Variants in CEP43 observed in about 807,000 individuals in gnomAD.
The protein encoded by CEP43 is centrosomal protein 43, also known as FGFR1 oncogene partner.
CEP43 carries 36 observed loss-of-function variants against 52.6 expected under a neutral mutation model. The ratio of observed to expected loss-of-function variants is 0.68; its 90% confidence interval spans 0.52 to 0.90. The LOEUF (loss-of-function observed/expected upper bound fraction) is 0.90, where lower values mean the gene tolerates loss of function less well. Ranked by LOEUF, CEP43 falls within the 40% of genes least tolerant of loss-of-function variation. The pLI is 0.00. For synonymous variants in CEP43, 192 were observed against 172.4 expected (o/e 1.11, Z -0.89); for missense variants, 506 against 472.8 (o/e 1.07, Z -0.65).
At position 167,040,020 on chromosome 6, in the gene CEP43, T is replaced by G; in HGVS notation, c.*42T>G. 1 of 1,566,932 alleles carries G rather than the reference T, an allele frequency of 6.4e-7. No homozygotes were observed. The highest frequency in any genetic ancestry group is 8.6e-7 in the Non-Finnish European group (1 of 1,160,910). On this transcript the variant is annotated 3_prime_UTR_variant, in exon 13 of 13. Coordinates refer to ENST00000366847, the MANE Select transcript of CEP43 (RefSeq NM_007045.4). ...ATTCTAATTAACAAGGACAGAGGAC[T>G]GACCGGTTCCATTTTTTTTTTTTCC...
intron 7 of CEP43, 128 bp from the exon 8 acceptor site, chr6:167,022,281 C>CACACACACACACACAAAGGTT (rs1780253185): frequency 3.1e-6 from 2 of 642,516 alleles, no homozygotes; most frequent in Non-Finnish European, 5.3e-6. Context: ...CACACACACA[C>CACACACACACACACAAAGGTT]ACACACACAC....
At position 167,026,463 on chromosome 6, in the gene CEP43, A is replaced by G. The variant is rs1780357989; in HGVS notation, c.920-84A>G. ...TGCTCCTGTCATAAAGAAGCCCCATATTGAACAACGACAAAAATTGATGTG... is the reference window on the plus strand; with the variant it reads ...TGCTCCTGTCATAAAGAAGCCCCATGTTGAACAACGACAAAAATTGATGTG... On this transcript the variant is annotated intron_variant, in intron 9 of 12. Coordinates refer to ENST00000366847, the MANE Select transcript of CEP43 (RefSeq NM_007045.4). 7 of 839,782 alleles carry G rather than the reference A, an allele frequency of 8.3e-6. No homozygotes were observed. The East Asian group carries it at 1.5e-4, about 18-fold the overall frequency. 52.0% of individuals were successfully genotyped at this position (839,782 alleles called of 1,614,324 possible). A position where few individuals can be genotyped will look rare whatever the true frequency, so the allele number is the denominator to read the frequency against.
Position 167,022,598 on chromosome 6 carries a change from G to T in CEP43, c.769G>T (p.Asp257Tyr). Residue 257 changes from aspartate to tyrosine, a missense_variant, in exon 8 of 13, where the codon GAT becomes TAT. Coordinates refer to ENST00000366847, the MANE Select transcript of CEP43 (RefSeq NM_007045.4). ...TGATATGGAAGGAGATTCTTTCTTTGATGATCCCATTCCTAAGCCAGAGAA... is the reference window on the plus strand; with the variant it reads ...TGATATGGAAGGAGATTCTTTCTTTTATGATCCCATTCCTAAGCCAGAGAA... ...EDDMEGDSFF[D>Y]DPIPKPEKTY... 6.2e-7 allele frequency: 1 copy of T among 1,614,088 alleles called. No individual in the cohort carries two copies. The highest frequency in any genetic ancestry group is 8.5e-7 in the Non-Finnish European group (1 of 1,179,958).
chr6:167,028,722 A>C (rs968279532), intron 10 of CEP43, among the ~76,000 whole-genome samples: 5 of 152,206 alleles, frequency 3.3e-5, no homozygotes, highest in African/African-American at 1.2e-4. Context: ...ATCTAGGTTA[A>C]GTAACTTGCC....
chr6:167,038,256 C>A (rs1388034360), intron 12 of CEP43, among the ~76,000 whole-genome samples: 1 of 152,146 alleles, frequency 6.6e-6, no homozygotes, highest in Non-Finnish European at 1.5e-5. Context: ...ACTTTGTGAA[C>A]CCGGGGCTGG....
At chr6:167,027,327 G>A (rs1780377172) in intron 10 of CEP43, among the ~76,000 whole-genome samples, 1 of 152,178 alleles carries the variant, frequency 6.6e-6, no homozygotes, top group African/African-American at 2.4e-5. Context: ...CAAGACTGTA[G>A]CAGTGTGACA....
rs1447300446 is a variant in CEP43, at chr6:167,040,292, G to A, written c.*314G>A. 1.5e-5 allele frequency: 22 copies of A among 1,461,220 alleles called. No homozygotes were observed. The highest frequency in any genetic ancestry group is 2.8e-5 in the African/African-American group (2 of 70,282). The allele number at this position is 1,461,220 out of a possible 1,614,324, so 90.5% of individuals were successfully genotyped here. A position where few individuals can be genotyped will look rare whatever the true frequency, so the allele number is the denominator to read the frequency against. On this transcript the variant is annotated 3_prime_UTR_variant, in exon 13 of 13. Transcript: ENST00000366847. The stretch of plus-strand genomic sequence containing the variant: ...CAGTGTTAAGAGCATGATGAAAGGT[G>A]TCAATAAAGCCGTAGGATCGCGCAA...
rs778426211 is a variant in CEP43, at chr6:167,022,626, C to T, written c.797C>T (p.Thr266Ile). The T allele has an allele frequency of 1.9e-6, 3 of 1,611,882 alleles. No homozygotes were observed. The highest frequency in any genetic ancestry group is 2.5e-6 in the Non-Finnish European group (3 of 1,178,190). ...FDDPIPKPEKTYGLRKEPRKQ... is the reference protein window; with the variant it reads ...FDDPIPKPEKIYGLRKEPRKQ... Reference sequence around the variant, plus strand: ...GATCCCATTCCTAAGCCAGAGAAAACTTACGGTTTGTGAGTAAATGGTTTT... The same window carrying T: ...GATCCCATTCCTAAGCCAGAGAAAATTTACGGTTTGTGAGTAAATGGTTTT... Residue 266 changes from threonine (T) to isoleucine (I), a missense_variant, in exon 8 of 13, where the codon ACT becomes ATT. Coordinates refer to ENST00000366847, the MANE Select transcript of CEP43 (RefSeq NM_007045.4).
intron 7 of CEP43, among the ~76,000 whole-genome samples, chr6:167,017,225 G>A (rs1440386391): frequency 1.3e-5 from 2 of 152,064 alleles, no homozygotes. Flanking sequence ...TTGATCTCCT[G>A]ACCTCGTGAT....
chr6:167,019,327 C>G (rs1780174544), intron 7 of CEP43, among the ~76,000 whole-genome samples: 1 of 152,170 alleles, frequency 6.6e-6, no homozygotes, highest in African/African-American at 2.4e-5. Context: ...CACGGGTACA[C>G]CTGCTGTGTA....
intron 12 of CEP43, among the ~76,000 whole-genome samples, chr6:167,038,396 C>G (rs773244656): frequency 6.6e-6 from 1 of 152,066 alleles, no homozygotes; most frequent in East Asian, 1.9e-4. Context: ...CGTTCTATAC[C>G]GTCATATGAA....
chr6:167,003,822 T>C lies in CEP43; in HGVS notation c.300+11T>C, dbSNP rs1430939434. ...CCTGAAACTAGCACAGTAAGAATAA[T>C]GATTTTTACATCTATCTTTTGAAAC... On this transcript the variant is annotated intron_variant, in intron 4 of 12. Transcript: ENST00000366847. 6.6e-7 allele frequency: 1 copy of C among 1,513,554 alleles called. No individual in the cohort carries two copies. Among genetic ancestry groups the C allele is most frequent in the South Asian group, 1.1e-5 (1 of 87,750 alleles). 93.8% of individuals were successfully genotyped at this position (1,513,554 alleles called of 1,614,324 possible).
In CEP43 at chr6:167,003,715, C is replaced by CTAAAAGG. The variant is rs1562522554; in HGVS notation, c.212-7_212-6insAAAAGGT. ...TTTGCTTACTTACCTTTTTCTTGAT[C>CTAAAAGG]TTTATAGGTCGTTTAGTGGCTAGTC... On this transcript the variant is annotated splice_region_variant and splice_polypyrimidine_tract_variant and intron_variant, in intron 3 of 12. Coordinates refer to ENST00000366847, the MANE Select transcript of CEP43 (RefSeq NM_007045.4). 6.3e-7 allele frequency: 1 copy of CTAAAAGG among 1,586,118 alleles called. No homozygotes were observed. Among genetic ancestry groups the CTAAAAGG allele is most frequent in the Admixed American group, 1.7e-5 (1 of 59,060 alleles).
chr6:167,015,113 CAG>C, intron 7 of CEP43, among the ~76,000 whole-genome samples: 1 of 152,156 alleles, frequency 6.6e-6, no homozygotes. Flanking sequence ...GTACTTTGGG[CAG>C]AGTGTAGTGT....
At chr6:167,007,159 TG>T (rs546955009) in intron 5 of CEP43, among the ~76,000 whole-genome samples, 117 of 152,316 alleles carry the variant, frequency 7.7e-4, no homozygotes, top group Middle Eastern at 3.4e-3. Flanking sequence ...TAACAGGCTG[TG>T]GAAGAAAGAA....
chr6:167,019,329 T>C lies in CEP43; in HGVS notation c.580-3080T>C, dbSNP rs560208798. ...CACCTGCTGTGCACACGGGTACACC[T>C]GCTGTGTACATGGAGGAGCCACTGA... On this transcript the variant is annotated intron_variant, in intron 7 of 12. Coordinates refer to ENST00000366847, the MANE Select transcript of CEP43 (RefSeq NM_007045.4). Among the ~76,000 whole-genome samples the C allele has an allele frequency of 3.9e-5, 6 of 152,120 alleles. No individual in the cohort carries two copies. In the East Asian group the frequency reaches 1.2e-3, roughly 29 times the overall value.
Position 167,052,246 on chromosome 6 carries a change from T to C in CEP43, c.*12268T>C, listed in dbSNP as rs1399377718. ...TGTTTTTGTGCTATTATTGTTATAC[T>C]TACTACCTCTGTATATGTTACAAGC... is the stretch of plus-strand genomic sequence containing the variant. On this transcript the variant is annotated 3_prime_UTR_variant, in exon 13 of 13. Coordinates refer to ENST00000366847, the MANE Select transcript of CEP43 (RefSeq NM_007045.4). 6.6e-6 allele frequency: 1 copy of C among 152,214 alleles called. No individual in the cohort carries two copies. The highest frequency in any genetic ancestry group is 1.5e-5 in the Non-Finnish European group (1 of 68,042). 9.4% of individuals were successfully genotyped at this position (152,214 alleles called of 1,614,324 possible). A position where few individuals can be genotyped will look rare whatever the true frequency, so the allele number is the denominator to read the frequency against.
chr6:167,028,272 C>A lies in CEP43; in HGVS notation c.988+1657C>A, dbSNP rs556610840. 401 of 985,404 alleles carry A rather than the reference C, an allele frequency of 4.1e-4. 3 individuals are homozygous for A. In the South Asian group the frequency reaches 0.016, roughly 39 times the overall value. The allele number at this position is 985,404 out of a possible 1,614,324, so 61.0% of individuals were successfully genotyped here. On this transcript the variant is annotated intron_variant, in intron 10 of 12. Coordinates refer to ENST00000366847, the MANE Select transcript of CEP43 (RefSeq NM_007045.4). Reference sequence around the variant, plus strand: ...CCTCCTGTTTCTGAGTGGGGAGCTGCCGAGAATTGTCATCCTCAGGAGGGA... The same window carrying A: ...CCTCCTGTTTCTGAGTGGGGAGCTGACGAGAATTGTCATCCTCAGGAGGGA...
chr6:167,012,201 T>C (rs1780002065), intron 6 of CEP43, among the ~76,000 whole-genome samples: 1 of 152,244 alleles, frequency 6.6e-6, no homozygotes, highest in Non-Finnish European at 1.5e-5. Flanking sequence ...GAACGATTGC[T>C]GTTATTTTTT....
Sources: gnomAD v4.1 joint callset for allele counts (sites outside exome capture counted in the v4.1 genomes callset) on GRCh38, gnomAD v4.1.1 for gene constraint, MANE v1.5 for transcripts, NCBI Gene and HGNC (gene_info 2026-07-23, HGNC 2026-07-21) for gene names.